The following PPP2R3A variants were observed in gnomAD, a reference collection of about 807,000 sequenced individuals.
PPP2R3A encodes the protein protein phosphatase 2 regulatory subunit B''alpha.
In PPP2R3A, 80 loss-of-function variants were observed where a neutral mutation model predicts 106.9. The ratio of observed to expected loss-of-function variants is 0.75; its 90% CI spans 0.62 to 0.90. PPP2R3A has a LOEUF of 0.90. Among genes scored for constraint, PPP2R3A ranks in the 40% least tolerant of loss-of-function variants. PPP2R3A has a pLI of 0.00. For missense variants in PPP2R3A, 1,386 were observed against 1,350.4 expected (o/e 1.03, Z -0.41); for synonymous variants, 483 against 468.3 (o/e 1.03, Z -0.41).
In PPP2R3A at chr3:136,003,110, A is replaced by C; in HGVS notation, c.1612A>C (p.Asn538His). The part of the protein sequence containing the change: ...REPLAKGKNS[N>H]FLNSHSQLTG... ...GCCACTTGCGAAGGGTAAAAACTCT[A>C]ATTTTTTAAATAGTCACAGTCAGTT... The change falls in exon 2 of 14, where the codon AAT becomes CAT. Residue 538 changes from asparagine to histidine, a missense_variant. Physicochemically the swap from Asn to His is moderately conservative, Grantham distance 68 (BLOSUM62 1). Coordinates refer to ENST00000264977, the MANE Select transcript of PPP2R3A (RefSeq NM_002718.5). The C allele has an allele frequency of 6.2e-7, 1 of 1,610,854 alleles. No individual in the cohort carries two copies. The highest frequency in any genetic ancestry group is 8.5e-7 in the Non-Finnish European group (1 of 1,179,200).
At chr3:136,103,579 T>C (rs77821753) in intron 12 of PPP2R3A, among the ~76,000 whole-genome samples, 1,738 of 152,308 alleles carry the variant, frequency 0.011, 35 homozygotes, top group East Asian at 0.048. Context: ...GTAACCTGCA[T>C]CTGTGTAAGC....
At chr3:136,024,938 A>G (rs1212505428) in intron 2 of PPP2R3A, among the ~76,000 whole-genome samples, 1 of 152,214 alleles carries the variant, frequency 6.6e-6, no homozygotes, top group Non-Finnish European at 1.5e-5. Flanking sequence ...GCATTAAGGC[A>G]GAGAGAAATG....
In PPP2R3A at chr3:136,102,157, T is replaced by C. The variant is rs749205294; in HGVS notation, c.3078T>C (p.Leu1026=). 6.2e-6 allele frequency: 10 copies of C among 1,613,384 alleles called. No homozygotes were observed. Among genetic ancestry groups the C allele is most frequent in the Non-Finnish European group, 6.8e-6 (8 of 1,179,972 alleles). ...LPFHDLLCQM[L]DLVKPAVDGK... is the part of the protein sequence containing the mutation. The stretch of plus-strand genomic sequence containing the variant: ...TCCATGATTTACTGTGCCAGATGCT[T>C]GACCTAGTGAAGCCAGCTGTTGATG... Residue 1026 remains leucine (L), a synonymous_variant, in exon 11 of 14, where the codon CTT becomes CTC. Coordinates refer to ENST00000264977, the MANE Select transcript of PPP2R3A (RefSeq NM_002718.5).
At chr3:136,122,036 C>T (rs971227638) in intron 13 of PPP2R3A, among the ~76,000 whole-genome samples, 7 of 152,012 alleles carry the variant, frequency 4.6e-5, no homozygotes, top group African/African-American at 1.7e-4. Context: ...ATACAAATTA[C>T]GATCTTTTTA....
At chr3:136,046,934 C>T (rs1576460221) in intron 4 of PPP2R3A, among the ~76,000 whole-genome samples, 1 of 152,132 alleles carries the variant, frequency 6.6e-6, no homozygotes, top group Non-Finnish European at 1.5e-5. Flanking sequence ...AAATTTACTA[C>T]GGGAATTCCA....
Position 136,146,037 on chromosome 3 carries a change from C to CTAGA in PPP2R3A, c.*878_*881dup, listed in dbSNP as rs780408658. On this transcript the variant is annotated 3_prime_UTR_variant, in exon 14 of 14. Transcript: ENST00000264977. ...GAATAATGATACATTAAAATTCTTA[C>CTAGA]TAGATAGATATATTCCTTCCTCCCA... The CTAGA allele has an allele frequency of 2.0e-5, 3 of 152,102 alleles. No homozygotes were observed. Among genetic ancestry groups the CTAGA allele is most frequent in the Admixed American group, 6.6e-5 (1 of 15,256 alleles). The allele number at this position is 152,102 out of a possible 1,614,324, so 9.4% of individuals were successfully genotyped here.
At chr3:136,097,553 C>A (rs1446082329) in intron 10 of PPP2R3A, among the ~76,000 whole-genome samples, 1 of 152,148 alleles carries the variant, frequency 6.6e-6, no homozygotes, top group Non-Finnish European at 1.5e-5. Context: ...TATGCTTTAG[C>A]TTTATTTATT....
At chr3:136,140,421 G>A (rs1006852346) in intron 13 of PPP2R3A, among the ~76,000 whole-genome samples, 2 of 148,262 alleles carry the variant, frequency 1.3e-5, no homozygotes, top group African/African-American at 5.1e-5. Flanking sequence ...ACTCCAGCCT[G>A]GGTGACAGAG....
chr3:136,030,536 T>G (rs2107828789), intron 3 of PPP2R3A, among the ~76,000 whole-genome samples: 1 of 151,974 alleles, frequency 6.6e-6, no homozygotes, highest in Non-Finnish European at 1.5e-5. Flanking sequence ...TTGTAGTGTT[T>G]TATCCCTCAC....
chr3:136,108,212 GAC>G (rs375655120), intron 13 of PPP2R3A, among the ~76,000 whole-genome samples: 1 of 151,362 alleles, frequency 6.6e-6, no homozygotes, highest in African/African-American at 2.4e-5. Flanking sequence ...GCTAGACCCT[GAC>G]ACACACACAC....
rs571703308 is a variant in PPP2R3A, at chr3:136,033,496, G to T, written c.2262+6398G>T. Among the ~76,000 whole-genome samples, 4 of 152,296 alleles carry T rather than the reference G, an allele frequency of 2.6e-5. No homozygotes were observed. The South Asian group carries it at 6.2e-4, about 24-fold the overall frequency. On this transcript the variant is annotated intron_variant, in intron 3 of 13. Transcript: ENST00000264977. The stretch of plus-strand genomic sequence containing the variant: ...TTCTTTGAATGTCTGGTAGAATTCG[G>T]CTGTGAATCCGTCTGTCCTTGACTT...
chr3:136,060,890 G>A (rs939809765), intron 5 of PPP2R3A, among the ~76,000 whole-genome samples: 56 of 152,200 alleles, frequency 3.7e-4, no homozygotes, highest in African/African-American at 1.3e-3. Flanking sequence ...AGTAGATTTT[G>A]TGTTTTCACT....
chr3:136,137,200 A>T (rs1352919467), intron 13 of PPP2R3A, among the ~76,000 whole-genome samples: 4 of 152,206 alleles, frequency 2.6e-5, no homozygotes, highest in Non-Finnish European at 5.9e-5. Flanking sequence ...CCATGTTACT[A>T]TCCTAAGAAA....
rs143801648 is a variant in PPP2R3A, at chr3:136,121,100, A to G, written c.3329+14778A>G. Among the ~76,000 whole-genome samples, 1,152 of 152,294 alleles carry G rather than the reference A, an allele frequency of 7.6e-3. 19 individuals carry two copies. Among genetic ancestry groups the G allele is most frequent in the African/African-American group, 0.026 (1,090 of 41,566 alleles). On this transcript the variant is annotated intron_variant, in intron 13 of 13. Coordinates refer to ENST00000264977, the MANE Select transcript of PPP2R3A (RefSeq NM_002718.5). ...TGCTGGGTATATATACCCAAAGGAA[A>G]ATAAATGATTCTACCAAAAAGACAC... is the stretch of plus-strand genomic sequence containing the variant.
At chr3:136,114,415 T>G (rs983562945) in intron 13 of PPP2R3A, among the ~76,000 whole-genome samples, 45 of 152,256 alleles carry the variant, frequency 3.0e-4, no homozygotes, top group Non-Finnish European at 4.1e-4. Context: ...CCAGTGGTGC[T>G]TGGAATGCCA....
intron 4 of PPP2R3A, 48 bp from the exon 5 acceptor site, chr3:136,049,211 T>C (rs770875124): frequency 2.9e-6 from 4 of 1,368,416 alleles, no homozygotes; most frequent in East Asian, 4.6e-5. Context: ...TTATTGTCAT[T>C]GTTTGTTCAG....
intron 9 of PPP2R3A, among the ~76,000 whole-genome samples, chr3:136,088,950 T>C (rs1937026268): frequency 6.6e-6 from 1 of 152,186 alleles, no homozygotes; most frequent in Admixed American, 6.5e-5. Context: ...TTTTGCTTGT[T>C]GATTTAAGTT....
At chr3:136,055,704 G>C in intron 5 of PPP2R3A, 1 of 803,240 alleles carries the variant, frequency 1.2e-6, no homozygotes, top group Non-Finnish European at 2.1e-6. Flanking sequence ...CTAAGACTCT[G>C]GAGCAACTTA....
intron 6 of PPP2R3A, among the ~76,000 whole-genome samples, chr3:136,074,021 T>C (rs1936522031): frequency 6.6e-6 from 1 of 152,208 alleles, no homozygotes; most frequent in African/African-American, 2.4e-5. Context: ...ATGACAGATA[T>C]CTCAGAAAAA....
Sources: gnomAD v4.1 joint callset for allele counts (sites outside exome capture counted in the v4.1 genomes callset) on GRCh38, gnomAD v4.1.1 for gene constraint, MANE v1.5 for transcripts, NCBI Gene and HGNC (gene_info 2026-07-23, HGNC 2026-07-21) for gene names.